The following ADGRD1 variants were observed in gnomAD, a reference collection of about 807,000 sequenced individuals.
ADGRD1 encodes G-protein coupled receptor 133.
A neutral mutation model predicts 113.4 loss-of-function variants in ADGRD1; 77 were observed. That is an observed-to-expected ratio of 0.68 (90% CI 0.57 to 0.82). The LOEUF (loss-of-function observed/expected upper bound fraction) is 0.82, where lower values mean the gene tolerates loss of function less well. Ranked by LOEUF, ADGRD1 falls within the 40% of genes least tolerant of loss-of-function variation. ADGRD1 has a pLI of 0.00. For synonymous variants in ADGRD1, 474 were observed against 475.0 expected (o/e 1.00, Z 0.03); for missense variants, 1,036 against 1,139.1 (o/e 0.91, Z 1.30).
rs140360949 is a variant in ADGRD1, at chr12:131,011,332, G to A, written c.1332-2867G>A. Among the ~76,000 whole-genome samples, 458 of 151,784 alleles carry A rather than the reference G, an allele frequency of 3.0e-3. 5 individuals carry two copies. Among genetic ancestry groups the A allele is most frequent in the Admixed American group, 6.0e-3 (92 of 15,242 alleles). ...GGCCTGGTGGAGGCCACGTGTTCCC[G>A]GAGCGGAATCCAGGAAACCACTCCA... On this transcript the variant is annotated intron_variant, in intron 12 of 24. Coordinates refer to ENST00000261654, the MANE Select transcript of ADGRD1 (RefSeq NM_198827.5).
chr12:131,043,080 G>C (rs1882304904), intron 13 of ADGRD1, among the ~76,000 whole-genome samples: 1 of 152,218 alleles, frequency 6.6e-6, no homozygotes, highest in Non-Finnish European at 1.5e-5. Flanking sequence ...GAGCCTGCAG[G>C]CCTCAAGTAC....
chr12:131,073,185 T>C (rs1364301504), intron 13 of ADGRD1, among the ~76,000 whole-genome samples: 2 of 152,256 alleles, frequency 1.3e-5, no homozygotes, highest in Non-Finnish European at 2.9e-5. Flanking sequence ...TTAGCCTCTA[T>C]CAGGCTGTGG....
chr12:131,126,395 A>G (rs1950738582), intron 20 of ADGRD1, among the ~76,000 whole-genome samples: 1 of 152,224 alleles, frequency 6.6e-6, no homozygotes, highest in South Asian at 2.1e-4. Context: ...CCCAAACTGT[A>G]ATAAATCTCT....
chr12:131,115,979 G>A (rs1566123316), intron 18 of ADGRD1, among the ~76,000 whole-genome samples: 1 of 151,986 alleles, frequency 6.6e-6, no homozygotes, highest in Admixed American at 6.5e-5. Context: ...GGAATAGAAC[G>A]AGGTGTCTTC....
intron 13 of ADGRD1, among the ~76,000 whole-genome samples, chr12:131,021,730 CAG>C (rs1413283747): frequency 6.6e-6 from 1 of 152,062 alleles, no homozygotes; most frequent in East Asian, 1.9e-4. Flanking sequence ...TTTTTTGAGA[CAG>C]AGTCTCTCTC....
chr12:130,960,431 A>G (rs1195758), intron 2 of ADGRD1, among the ~76,000 whole-genome samples: 145,694 of 152,222 alleles, frequency 0.96, 70,042 homozygotes, highest in East Asian at 1. Flanking sequence ...CTTCATCTTC[A>G]TAGTATTTAT....
At chr12:131,021,755 T>G (rs7964587) in intron 13 of ADGRD1, among the ~76,000 whole-genome samples, 19,582 of 152,184 alleles carry the variant, frequency 0.13, 1,398 homozygotes, top group African/African-American at 0.16. Flanking sequence ...TTGCCCAGGC[T>G]GGAGTGCAGA....
At chr12:131,021,643 G>A (rs924509805) in intron 13 of ADGRD1, among the ~76,000 whole-genome samples, 5 of 152,148 alleles carry the variant, frequency 3.3e-5, no homozygotes, top group African/African-American at 1.2e-4. Context: ...TCCTCGGCTT[G>A]CAGACAGTGT....
In ADGRD1 at chr12:130,999,710, G is replaced by T. The variant is rs1342065403; in HGVS notation, c.967-673G>T. 2.0e-5 allele frequency among the ~76,000 whole-genome samples: 3 copies of T among 152,142 alleles called. No homozygotes were observed. In the East Asian group the frequency reaches 5.8e-4, roughly 29 times the overall value. On this transcript the variant is annotated intron_variant, in intron 8 of 24. Coordinates refer to ENST00000261654, the MANE Select transcript of ADGRD1 (RefSeq NM_198827.5). ...GGGATGGCGGGGTCTGGAGTGGGCT[G>T]GGGACACATCCACTAAGCCGGTGCC...
Position 130,997,377 on chromosome 12 carries a change from GC to G in ADGRD1, c.967-3004del, listed in dbSNP as rs1566014253. On this transcript the variant is annotated intron_variant, in intron 8 of 24. Transcript: ENST00000261654. ...TCCTCACTTCCCAGACGGGGTGGCT[GC>G]CGGGCGGAGGGGCTCCTCACTTCTC... 1.2e-3 allele frequency among the ~76,000 whole-genome samples: 135 copies of G among 115,522 alleles called. 2 individuals are homozygous for G. The highest frequency in any genetic ancestry group is 3.4e-3 in the Admixed American group (41 of 12,084). The allele number at this position is 115,522 out of a possible 152,430, so 75.8% of individuals were successfully genotyped here.
At chr12:130,985,840 C>T (rs912878536) in intron 5 of ADGRD1, among the ~76,000 whole-genome samples, 7 of 152,260 alleles carry the variant, frequency 4.6e-5, no homozygotes, top group African/African-American at 1.7e-4. Flanking sequence ...GCGTGAGCCA[C>T]TGCGTCCGGC....
chr12:131,095,585 C>G (rs910311565), intron 15 of ADGRD1, among the ~76,000 whole-genome samples: 5 of 152,178 alleles, frequency 3.3e-5, no homozygotes, highest in African/African-American at 1.2e-4. Context: ...GTGACCAGGA[C>G]TGGGAACATG....
chr12:131,059,069 T>G (rs1158375668), intron 13 of ADGRD1, among the ~76,000 whole-genome samples: 1 of 152,206 alleles, frequency 6.6e-6, no homozygotes. Flanking sequence ...TCTCTGTTGT[T>G]CTGATTGGGT....
intron 2 of ADGRD1, among the ~76,000 whole-genome samples, chr12:130,961,091 G>A (rs1486526494): frequency 1.3e-5 from 2 of 152,248 alleles, no homozygotes; most frequent in Admixed American, 1.3e-4. Context: ...GCTGGACCAA[G>A]TCAGTGCAAC....
chr12:131,022,938 C>G lies in ADGRD1; in HGVS notation c.1473+8598C>G, dbSNP rs972485727. The G allele has an allele frequency of 1.3e-5, 2 of 152,092 alleles. No individual in the cohort carries two copies. The highest frequency in any genetic ancestry group is 4.8e-5 in the African/African-American group (2 of 41,394). 9.4% of individuals were successfully genotyped at this position (152,092 alleles called of 1,614,324 possible). Reference sequence around the variant, plus strand: ...TCTGTATGTGTGTCTGTGTTGCAAACTAGGATTGCATTCTGATACCTGTTT... The same window carrying G: ...TCTGTATGTGTGTCTGTGTTGCAAAGTAGGATTGCATTCTGATACCTGTTT... On this transcript the variant is annotated intron_variant, in intron 13 of 24. Transcript: ENST00000261654. This position sits in a 1 kb window ranked among gnomAD's most constrained non-coding sequence, Gnocchi z 4.6.
At position 131,050,136 on chromosome 12, in the gene ADGRD1, G is replaced by A. The variant is rs1337985142; in HGVS notation, c.1474-26665G>A. On this transcript the variant is annotated intron_variant, in intron 13 of 24. Transcript: ENST00000261654. This position sits in a 1 kb window ranked among gnomAD's most constrained non-coding sequence, Gnocchi z 4.8. Reference sequence around the variant, plus strand: ...GCTGGGAATTCAGTGTGTCCTCCTGGGCCAGCACAAACCTCATCGCCTCTT... The same window carrying A: ...GCTGGGAATTCAGTGTGTCCTCCTGAGCCAGCACAAACCTCATCGCCTCTT... Among the ~76,000 whole-genome samples the A allele has an allele frequency of 6.6e-6, 1 of 152,078 alleles. No individual in the cohort carries two copies. The highest frequency in any genetic ancestry group is 1.5e-5 in the Non-Finnish European group (1 of 68,014).
At chr12:131,045,671 T>A (rs1478529028) in intron 13 of ADGRD1, among the ~76,000 whole-genome samples, 2 of 152,094 alleles carry the variant, frequency 1.3e-5, no homozygotes, top group Non-Finnish European at 2.9e-5. Flanking sequence ...CTCAGGGAAG[T>A]CACCATGCTG....
intron 13 of ADGRD1, among the ~76,000 whole-genome samples, chr12:131,052,989 C>T (rs1298659331): frequency 6.6e-6 from 1 of 152,178 alleles, no homozygotes; most frequent in African/African-American, 2.4e-5. Context: ...GTTTATAGCA[C>T]AGAATATGTC....
chr12:131,028,845 G>A (rs893068126), intron 13 of ADGRD1, among the ~76,000 whole-genome samples: 7 of 152,202 alleles, frequency 4.6e-5, no homozygotes, highest in Non-Finnish European at 8.8e-5. Context: ...AGACCGGCTC[G>A]TGTAAACCCT....
Sources: gnomAD v4.1 joint callset for allele counts (sites outside exome capture counted in the v4.1 genomes callset) on GRCh38, gnomAD v4.1.1 for gene constraint, Gnocchi (gnomAD v3.1) non-coding constraint, MANE v1.5 for transcripts, NCBI Gene and HGNC (gene_info 2026-07-23, HGNC 2026-07-21) for gene names.